CEP57L1: variants seen among roughly 807,000 people sequenced by gnomAD.
CEP57L1 encodes the protein centrosomal protein 57 like 1.
Under a neutral mutation model 61.0 loss-of-function variants are expected in CEP57L1, and 37 were observed. The ratio of observed to expected loss-of-function variants is 0.61; its 90% confidence interval spans 0.47 to 0.80. The LOEUF (loss-of-function observed/expected upper bound fraction) is 0.80. CEP57L1 is among the 30% of genes least tolerant of loss of function. The probability of loss-of-function intolerance (pLI) is 0.00; values close to 1 mark genes in which losing one functional copy is unlikely to be tolerated. For missense variants in CEP57L1, 422 were observed against 524.7 expected, an observed-to-expected ratio of 0.80 and a Z score of 1.91; for synonymous variants, 137 against 162.3, an observed-to-expected ratio of 0.84 and a Z score of 1.19.
Position 109,150,200 on chromosome 6 carries a change from C to G in CEP57L1, c.423C>G (p.Leu141=), listed in dbSNP as rs770707035. The G allele has an allele frequency of 3.7e-6, 6 of 1,607,580 alleles. No individual in the cohort carries two copies. In the African/African-American group the frequency reaches 4.0e-5, roughly 11 times the overall value. Residue 141 remains leucine, a synonymous_variant, in exon 4 of 11, where the codon CTC becomes CTG. Coordinates refer to ENST00000517392, the MANE Select transcript of CEP57L1 (RefSeq NM_001271852.3). The part of the protein sequence containing the change: ...KQLEYTKRMV[L]NVEREKNMIL... ...TAGAATATACAAAGAGAATGGTTCT[C>G]AACGTAGAGCGAGAAAAGAACATGA...
Position 109,173,420 on chromosome 6 carries a change from C to T in CEP57L1, c.*10450C>T, listed in dbSNP as rs1241717020. 6.9e-6 allele frequency among the ~76,000 whole-genome samples: 1 copy of T among 145,502 alleles called. No individual in the cohort carries two copies. The highest frequency in any genetic ancestry group is 1.5e-5 in the Non-Finnish European group (1 of 66,378). On this transcript the variant is annotated 3_prime_UTR_variant, in exon 11 of 11. Transcript: ENST00000517392. ...CCTTCCCCCTCAGCCCGCCCCCTAC[C>T]TTTCTTTTTTTTTTTTTTTTCTTTT...
intron 1 of CEP57L1, among the ~76,000 whole-genome samples, chr6:109,118,060 G>A (rs1036453199): frequency 2.0e-5 from 3 of 152,202 alleles, no homozygotes; most frequent in Admixed American, 2.0e-4. Context: ...TTTTGAGACG[G>A]AGTCTCACTC....
intron 1 of CEP57L1, among the ~76,000 whole-genome samples, chr6:109,122,130 C>A (rs1423891246): frequency 6.6e-6 from 1 of 152,192 alleles, no homozygotes; most frequent in Non-Finnish European, 1.5e-5. Flanking sequence ...GTTATTTGCA[C>A]TACTACCAAT....
At chr6:109,107,967 C>T (rs181576459) in intron 1 of CEP57L1, among the ~76,000 whole-genome samples, 1 of 151,916 alleles carries the variant, frequency 6.6e-6, no homozygotes, top group African/African-American at 2.4e-5. Flanking sequence ...AAAATAAGTT[C>T]ATGTTTGTAA....
At chr6:109,097,803 A>G (rs1378570977) in intron 1 of CEP57L1, among the ~76,000 whole-genome samples, 2 of 152,234 alleles carry the variant, frequency 1.3e-5, no homozygotes, top group Non-Finnish European at 2.9e-5. Context: ...GACATAATCC[A>G]GAAGGGGACA....
chr6:109,150,260 G>A (rs770723690), intron 4 of CEP57L1, 21 bp downstream of exon 4: 3 of 1,583,350 alleles, frequency 1.9e-6, no homozygotes, highest in South Asian at 2.2e-5. Context: ...TTTCTATAAG[G>A]AATGATAATA....
intron 1 of CEP57L1, among the ~76,000 whole-genome samples, chr6:109,110,940 A>G (rs1453355456): frequency 3.9e-5 from 6 of 152,278 alleles, no homozygotes; most frequent in Admixed American, 3.3e-4. Flanking sequence ...CTTGTAGTAT[A>G]GTTTGAAGTC....
At chr6:109,102,493 A>C (rs1041820739) in intron 1 of CEP57L1, among the ~76,000 whole-genome samples, 2 of 152,192 alleles carry the variant, frequency 1.3e-5, no homozygotes, top group Non-Finnish European at 2.9e-5. Context: ...GCAAAGCAGA[A>C]ATTTTTAATT....
intron 1 of CEP57L1, among the ~76,000 whole-genome samples, chr6:109,134,569 C>T (rs557565296): frequency 6.6e-6 from 1 of 152,176 alleles, no homozygotes; most frequent in East Asian, 1.9e-4. Flanking sequence ...CCAGGGCAAT[C>T]AGGCAGGAGA....
intron 4 of CEP57L1, among the ~76,000 whole-genome samples, chr6:109,151,179 A>T (rs951847159): frequency 6.6e-6 from 1 of 152,212 alleles, no homozygotes; most frequent in African/African-American, 2.4e-5. Flanking sequence ...GCAGAAGGGT[A>T]AAAGTACCAA....
chr6:109,155,874 A>G lies in CEP57L1; in HGVS notation c.741A>G (p.Ser247=). The change falls in exon 7 of 11, where the codon TCA becomes TCG. Residue 247 remains serine, a synonymous_variant. Transcript: ENST00000517392. The part of the protein sequence containing the change: ...LKHSKEKKKS[S]KKTKCIKRRP... The stretch of plus-strand genomic sequence containing the variant: ...ACTCCAAGGAAAAGAAGAAATCTTC[A>G]AAGGTGTGCATATAAAATTTTTTCC... 1.3e-6 allele frequency: 2 copies of G among 1,544,952 alleles called. No homozygotes were observed. Among genetic ancestry groups the G allele is most frequent in the African/African-American group, 1.4e-5 (1 of 73,200 alleles).
chr6:109,162,114 T>G (rs915171250), intron 10 of CEP57L1, among the ~76,000 whole-genome samples: 4 of 152,076 alleles, frequency 2.6e-5, no homozygotes, highest in Non-Finnish European at 4.4e-5. Context: ...AATAGTACTT[T>G]AAATTCAGGA....
Position 109,160,724 on chromosome 6 carries a change from G to T in CEP57L1, c.1161+8G>T, listed in dbSNP as rs749404687. On this transcript the variant is annotated splice_region_variant and intron_variant, in intron 10 of 10. Transcript: ENST00000517392. Reference sequence around the variant, plus strand: ...AAGAAGCATCAAGACAGTGTAAGAAGGCTTTAGTAAGAGATTTTAATAAAA... The same window carrying T: ...AAGAAGCATCAAGACAGTGTAAGAATGCTTTAGTAAGAGATTTTAATAAAA... 7.0e-6 allele frequency: 11 copies of T among 1,570,584 alleles called. No homozygotes were observed. The highest frequency in any genetic ancestry group is 4.3e-5 in the Admixed American group (2 of 46,882).
chr6:109,104,747 T>G (rs939483656), intron 1 of CEP57L1, among the ~76,000 whole-genome samples: 1 of 152,004 alleles, frequency 6.6e-6, no homozygotes, highest in Non-Finnish European at 1.5e-5. Flanking sequence ...CACACCCAGC[T>G]AATTAAAAAA....
At chr6:109,127,602 A>T in intron 1 of CEP57L1, among the ~76,000 whole-genome samples, 1 of 148,368 alleles carries the variant, frequency 6.7e-6, no homozygotes, top group African/African-American at 2.5e-5. Context: ...TGTTATACTT[A>T]ATCTTTTTTT....
intron 4 of CEP57L1, among the ~76,000 whole-genome samples, chr6:109,152,254 C>G (rs1056798791): frequency 2.0e-5 from 3 of 152,158 alleles, no homozygotes; most frequent in Non-Finnish European, 4.4e-5. Context: ...AATCTTGGCT[C>G]ACTGCAACCT....
At position 109,148,414 on chromosome 6, in the gene CEP57L1, T is replaced by C. The variant is rs1009937808; in HGVS notation, c.340+1477T>C. ...ATAGTTTACTGAGAATGATGATTTC[T>C]GATTTCATCCATGTCCCTACAAAGG... On this transcript the variant is annotated intron_variant, in intron 3 of 10. Transcript: ENST00000517392. Among the ~76,000 whole-genome samples, 1,194 of 152,224 alleles carry C rather than the reference T, an allele frequency of 7.8e-3. 19 individuals carry two copies. The highest frequency in any genetic ancestry group is 0.028 in the African/African-American group (1,146 of 41,520).
chr6:109,099,678 T>G (rs1782141515), intron 1 of CEP57L1, among the ~76,000 whole-genome samples: 2 of 152,218 alleles, frequency 1.3e-5, no homozygotes, highest in Non-Finnish European at 2.9e-5. Context: ...GCCTCCTGAG[T>G]AGCTGGGACT....
At chr6:109,129,338 A>G in intron 1 of CEP57L1, 2 of 1,187,806 alleles carry the variant, frequency 1.7e-6, no homozygotes, top group South Asian at 3.1e-5. Flanking sequence ...TGGATATAAT[A>G]ATATAGACTG....
Sources: allele counts gnomAD v4.1 joint callset (sites outside exome capture counted in the v4.1 genomes callset), GRCh38; gene constraint gnomAD v4.1.1; transcripts MANE v1.5; gene names NCBI Gene and HGNC (gene_info 2026-07-23, HGNC 2026-07-21).